P3H2: variants seen among roughly 807,000 people sequenced by gnomAD.
P3H2 encodes prolyl 3-hydroxylase 2, also known as leprecan-like 1.
Under a neutral mutation model 87.0 loss-of-function variants are expected in P3H2, and 80 were observed. The observed-to-expected ratio is 0.92, with a 90% confidence interval of 0.77 to 1.11. The LOEUF (loss-of-function observed/expected upper bound fraction) is 1.11. P3H2 is among the 50% of genes least tolerant of loss of function. The pLI is 0.00. For synonymous variants in P3H2, 367 were observed against 359.3 expected (o/e 1.02, Z -0.24); for missense variants, 1,001 against 923.9 (o/e 1.08, Z -1.08).
intron 1 of P3H2, among the ~76,000 whole-genome samples, chr3:190,036,011 C>T (rs1310527571): frequency 6.6e-6 from 1 of 152,114 alleles, no homozygotes; most frequent in Non-Finnish European, 1.5e-5. Flanking sequence ...ATATTTCTGA[C>T]CAGTTATTTT....
At position 190,041,033 on chromosome 3, in the gene P3H2, TATATACACACACACACACACACACACAC is replaced by T. The variant is rs1463887445; in HGVS notation, c.481-45619_481-45592del. Among the ~76,000 whole-genome samples the T allele has an allele frequency of 3.7e-4, 14 of 37,806 alleles. 1 individual carries two copies. Among genetic ancestry groups the T allele is most frequent in the African/African-American group, 2.3e-3 (14 of 5,964 alleles). 24.8% of individuals were successfully genotyped at this position (37,806 alleles called of 152,430 possible). A position where few individuals can be genotyped will look rare whatever the true frequency, so the allele number is the denominator to read the frequency against. On this transcript the variant is annotated intron_variant, in intron 1 of 14. Coordinates refer to ENST00000319332, the MANE Select transcript of P3H2 (RefSeq NM_018192.4). ...ACCATGGCTCTACTATATATATATATATATACACACACACACACACACACACACACACACACACACACACACACTCTCT... is the reference window on the plus strand; with the variant it reads ...ACCATGGCTCTACTATATATATATATACACACACACACACACACACTCTCT...
At chr3:190,118,114 C>G (rs1712367975) in intron 1 of P3H2, among the ~76,000 whole-genome samples, 1 of 152,136 alleles carries the variant, frequency 6.6e-6, no homozygotes, top group Non-Finnish European at 1.5e-5. Context: ...GCTTCACCTT[C>G]TTTGACCTCC....
At chr3:190,066,187 A>C (rs1726498732) in intron 1 of P3H2, among the ~76,000 whole-genome samples, 1 of 151,242 alleles carries the variant, frequency 6.6e-6, no homozygotes, top group African/African-American at 2.4e-5. Context: ...ACATATATAC[A>C]CACATATATA....
At position 190,120,489 on chromosome 3, in the gene P3H2, G is replaced by A. The variant is rs1258938067; in HGVS notation, c.243C>T (p.Arg81=). 1.4e-6 allele frequency: 2 copies of A among 1,450,478 alleles called. No individual in the cohort carries two copies. Among genetic ancestry groups the A allele is most frequent in the Non-Finnish European group, 1.8e-6 (2 of 1,108,596 alleles). The allele number at this position is 1,450,478 out of a possible 1,614,324, so 89.9% of individuals were successfully genotyped here. ...LRSHRRLREI[R]TRCARHCAAR... ...CCGCGCAGTGGCGGGCACAGCGCGT[G>A]CGGATTTCCCGCAGGCGCCGGTGGC... Residue 81 remains arginine (R), a synonymous_variant, in exon 1 of 15, where the codon CGC becomes CGT. Transcript: ENST00000319332.
chr3:189,994,578 G>T (rs1723987895), intron 2 of P3H2, among the ~76,000 whole-genome samples: 1 of 151,430 alleles, frequency 6.6e-6, no homozygotes, highest in Non-Finnish European at 1.5e-5. Flanking sequence ...GAAATCATTT[G>T]CCTATAGGTA....
intron 1 of P3H2, among the ~76,000 whole-genome samples, chr3:190,022,888 G>A (rs866789072): frequency 2.6e-5 from 4 of 151,904 alleles, no homozygotes; most frequent in East Asian, 1.9e-4. Context: ...GTGCAGTGGC[G>A]CGATCTCGGC....
chr3:190,091,494 A>G (rs949558248), intron 1 of P3H2, among the ~76,000 whole-genome samples: 1 of 152,264 alleles, frequency 6.6e-6, no homozygotes, highest in Non-Finnish European at 1.5e-5. Context: ...AAGTGTTACT[A>G]CAATATCAAT....
intron 1 of P3H2, among the ~76,000 whole-genome samples, chr3:190,047,650 T>C (rs1705080734): frequency 6.6e-6 from 1 of 152,122 alleles, no homozygotes; most frequent in Non-Finnish European, 1.5e-5. Context: ...TGGAGGACAG[T>C]ATGTTAAGGT....
chr3:189,990,090 T>A (rs1258950866), intron 3 of P3H2, among the ~76,000 whole-genome samples: 1 of 152,086 alleles, frequency 6.6e-6, no homozygotes, highest in African/African-American at 2.4e-5. Flanking sequence ...CTCTGTTTAG[T>A]CTGAGTTTGG....
intron 1 of P3H2, among the ~76,000 whole-genome samples, chr3:190,065,108 A>AC (rs1726455104): frequency 6.6e-6 from 1 of 152,090 alleles, no homozygotes; most frequent in African/African-American, 2.4e-5. Context: ...CCATTAAAAA[A>AC]CCGAGTCTCC....
upstream of P3H2, chr3:190,120,951 C>T: frequency 1.7e-6 from 1 of 604,466 alleles, no homozygotes; most frequent in South Asian, 2.7e-5. Context: ...CTCACACGCT[C>T]CTCCTGCTGC....
At chr3:190,045,867 A>G (rs1725782872) in intron 1 of P3H2, among the ~76,000 whole-genome samples, 1 of 152,148 alleles carries the variant, frequency 6.6e-6, no homozygotes, top group Admixed American at 6.5e-5. Flanking sequence ...CACACCTGTA[A>G]TCCCAGCACT....
At chr3:190,050,212 A>C (rs1448447762) in intron 1 of P3H2, among the ~76,000 whole-genome samples, 1 of 152,168 alleles carries the variant, frequency 6.6e-6, no homozygotes, top group Non-Finnish European at 1.5e-5. Flanking sequence ...CTTACGCTGA[A>C]CCATAATCTA....
At chr3:190,085,647 A>C (rs562435071) in intron 1 of P3H2, among the ~76,000 whole-genome samples, 10 of 152,204 alleles carry the variant, frequency 6.6e-5, no homozygotes, top group African/African-American at 2.4e-4. Context: ...AACTACTTCT[A>C]ACCCTTTGTT....
chr3:190,023,551 T>C (rs751926986), intron 1 of P3H2, among the ~76,000 whole-genome samples: 6 of 152,168 alleles, frequency 3.9e-5, no homozygotes, highest in Non-Finnish European at 8.8e-5. Context: ...GAGAACTCAC[T>C]ATCAGGAGAA....
rs769357613 is a variant in P3H2, at chr3:189,995,278, C to T, written c.633+12G>A. 24 of 1,613,762 alleles carry T rather than the reference C, an allele frequency of 1.5e-5. No individual in the cohort carries two copies. The highest frequency in any genetic ancestry group is 1.9e-5 in the Non-Finnish European group (23 of 1,179,868). ...GCTCCCTGTGGTGAGGGCAGGGGCCCACAGAGCTTACCATGTGTGGCTTGG... is the reference window on the plus strand; with the variant it reads ...GCTCCCTGTGGTGAGGGCAGGGGCCTACAGAGCTTACCATGTGTGGCTTGG... On this transcript the variant is annotated intron_variant, in intron 2 of 14. Transcript: ENST00000319332.
chr3:190,081,324 TTTC>T (rs2108979512), intron 1 of P3H2, among the ~76,000 whole-genome samples: 1 of 152,220 alleles, frequency 6.6e-6, no homozygotes, highest in East Asian at 1.9e-4. Context: ...CTGAATTATT[TTTC>T]TTACTTTGGT....
intron 1 of P3H2, among the ~76,000 whole-genome samples, chr3:190,041,020 C>CTATATATATATATATATATATATATA (rs71635315): frequency 2.7e-4 from 14 of 52,676 alleles, no homozygotes; most frequent in Admixed American, 6.4e-4. Flanking sequence ...CATGGCTCTA[C>CTATATATATATATATATATATATATA]TATATATATA....
intron 1 of P3H2, among the ~76,000 whole-genome samples, chr3:190,034,310 T>A (rs1287453325): frequency 6.6e-6 from 1 of 152,162 alleles, no homozygotes; most frequent in Non-Finnish European, 1.5e-5. Context: ...GCACTTTTGG[T>A]GGTAGTACTT....
Sources: allele counts gnomAD v4.1 joint callset (sites outside exome capture counted in the v4.1 genomes callset), GRCh38; gene constraint gnomAD v4.1.1; transcripts MANE v1.5; gene names NCBI Gene and HGNC (gene_info 2026-07-23, HGNC 2026-07-21).